The following RIMS2 variants were observed in gnomAD, a reference collection of about 807,000 sequenced individuals.
RIMS2 encodes regulating synaptic membrane exocytosis protein 2.
A neutral mutation model predicts 174.4 loss-of-function variants in RIMS2; 59 were observed. The ratio of observed to expected loss-of-function variants is 0.34; its 90% CI spans 0.27 to 0.42. The LOEUF is 0.42. Among genes scored for constraint, RIMS2 ranks in the 10% least tolerant of loss-of-function variants. The probability of loss-of-function intolerance (pLI) is 1.00; values close to 1 mark genes in which losing one functional copy is unlikely to be tolerated. For missense variants in RIMS2, 1,620 were observed against 1,666.3 expected (o/e 0.97, Z 0.48); for synonymous variants, 606 against 572.5 (o/e 1.06, Z -0.84).
chr8:103,788,717 T>A (rs2098467279), intron 3 of RIMS2, among the ~76,000 whole-genome samples: 1 of 152,012 alleles, frequency 6.6e-6, no homozygotes, highest in African/African-American at 2.4e-5. Flanking sequence ...GTTACTGCTG[T>A]CTTTTTGTTT....
chr8:103,642,071 A>G (rs1277334934), intron 1 of RIMS2, among the ~76,000 whole-genome samples: 1 of 152,104 alleles, frequency 6.6e-6, no homozygotes, highest in Admixed American at 6.6e-5. Context: ...AGTTGAATTC[A>G]TGGTTACTGT....
intron 19 of RIMS2, among the ~76,000 whole-genome samples, chr8:104,129,004 T>C (rs1047865601): frequency 3.9e-5 from 6 of 152,238 alleles, no homozygotes; most frequent in Admixed American, 3.9e-4. Context: ...CCTTCAATTA[T>C]GCCTTACATC....
intron 3 of RIMS2, chr8:103,819,630 G>C (rs1269356352): frequency 6.2e-7 from 1 of 1,604,846 alleles, no homozygotes; most frequent in South Asian, 1.1e-5. Flanking sequence ...ACAATGCAAG[G>C]TGAGTAGAGC....
At chr8:103,938,364 G>C (rs1455035810) in intron 13 of RIMS2, among the ~76,000 whole-genome samples, 2 of 152,108 alleles carry the variant, frequency 1.3e-5, no homozygotes, top group Non-Finnish European at 2.9e-5. Flanking sequence ...GAGAGAGAGA[G>C]ATTGTGCAGG....
At chr8:103,835,449 T>G (rs928480672) in intron 3 of RIMS2, among the ~76,000 whole-genome samples, 2 of 115,792 alleles carry the variant, frequency 1.7e-5, no homozygotes, top group Non-Finnish European at 4.5e-5. Flanking sequence ...TTGATTGAAT[T>G]TGGTTAAAAT....
intron 19 of RIMS2, among the ~76,000 whole-genome samples, chr8:104,060,491 T>C (rs1395139861): frequency 6.6e-6 from 1 of 152,124 alleles, no homozygotes; most frequent in Non-Finnish European, 1.5e-5. Flanking sequence ...TAGCAGTCTA[T>C]CAATTTTGTT....
chr8:103,600,051 T>C (rs1317821183), intron 1 of RIMS2, among the ~76,000 whole-genome samples: 1 of 152,106 alleles, frequency 6.6e-6, no homozygotes, highest in Non-Finnish European at 1.5e-5. Context: ...CTCACTACCC[T>C]TATCAGCCTT....
intron 19 of RIMS2, among the ~76,000 whole-genome samples, chr8:104,140,956 G>A (rs545184901): frequency 3.3e-5 from 5 of 152,268 alleles, no homozygotes; most frequent in African/African-American, 1.2e-4. Context: ...ATGTTATAAT[G>A]AAGACATTTT....
At chr8:103,641,407 A>T (rs7840564) in intron 1 of RIMS2, among the ~76,000 whole-genome samples, 26,731 of 152,024 alleles carry the variant, frequency 0.18, 2,554 homozygotes, top group African/African-American at 0.23. Flanking sequence ...TCTATTTTGA[A>T]ATATACAATA....
intron 3 of RIMS2, among the ~76,000 whole-genome samples, chr8:103,799,895 A>AT (rs1251271433): frequency 6.6e-6 from 1 of 152,156 alleles, no homozygotes; most frequent in African/African-American, 2.4e-5. Flanking sequence ...TTTAGTCATG[A>AT]TTAAAAAGTC....
intron 3 of RIMS2, among the ~76,000 whole-genome samples, chr8:103,879,184 G>A (rs1264819512): frequency 2.0e-5 from 3 of 151,190 alleles, no homozygotes; most frequent in Non-Finnish European, 4.4e-5. Flanking sequence ...GGTATTAAAG[G>A]TGATACAAAT....
intron 3 of RIMS2, among the ~76,000 whole-genome samples, chr8:103,797,973 T>C (rs1315554098): frequency 6.6e-6 from 1 of 152,156 alleles, no homozygotes; most frequent in Non-Finnish European, 1.5e-5. Context: ...TATTCTTCTT[T>C]GAGGCTTTCT....
At chr8:103,917,162 CA>C (rs2076768993) in intron 8 of RIMS2, among the ~76,000 whole-genome samples, 1 of 152,034 alleles carries the variant, frequency 6.6e-6, no homozygotes, top group African/African-American at 2.4e-5. Context: ...ATACCTATAT[CA>C]GAGTAAAAGC....
At chr8:104,182,773 T>G (rs1340631552) in intron 19 of RIMS2, among the ~76,000 whole-genome samples, 1 of 151,750 alleles carries the variant, frequency 6.6e-6, no homozygotes, top group Admixed American at 6.6e-5. Context: ...GTTTAGACTC[T>G]ATCGGTTTTA....
chr8:103,934,335 G>A (rs139574746), intron 12 of RIMS2, among the ~76,000 whole-genome samples: 2 of 151,932 alleles, frequency 1.3e-5, no homozygotes, highest in Admixed American at 1.3e-4. Context: ...CATGCTTATT[G>A]ATCTTAGTGT....
At chr8:103,984,540 A>G (rs1438879207) in intron 16 of RIMS2, among the ~76,000 whole-genome samples, 1 of 152,192 alleles carries the variant, frequency 6.6e-6, no homozygotes, top group African/African-American at 2.4e-5. Context: ...CTTATATCCT[A>G]AAACAATAAC....
chr8:103,839,463 A>G (rs1240251284), intron 3 of RIMS2, among the ~76,000 whole-genome samples: 1 of 151,784 alleles, frequency 6.6e-6, no homozygotes, highest in Admixed American at 6.6e-5. Context: ...TTTCTTTGTC[A>G]TAGGGCACAG....
intron 4 of RIMS2, among the ~76,000 whole-genome samples, chr8:103,892,563 A>G (rs2099252960): frequency 6.6e-6 from 1 of 152,054 alleles, no homozygotes; most frequent in African/African-American, 2.4e-5. Context: ...AAGATTGATT[A>G]TTCTCTTATG....
At chr8:103,568,574 G>A in intron 1 of RIMS2, 1 of 505,088 alleles carries the variant, frequency 2.0e-6, no homozygotes, top group Admixed American at 2.5e-5. Context: ...CTGGCCATGG[G>A]TACTACTTCT....
Sources: allele counts gnomAD v4.1 joint callset (sites outside exome capture counted in the v4.1 genomes callset), GRCh38; gene constraint gnomAD v4.1.1; transcripts MANE v1.5; gene names NCBI Gene and HGNC (gene_info 2026-07-23, HGNC 2026-07-21).